PIK3C2G: variants seen among roughly 807,000 people sequenced by gnomAD.
PIK3C2G encodes phosphatidylinositol 3-kinase C2 domain-containing subunit gamma.
PIK3C2G carries 168 observed loss-of-function variants against 181.1 expected under a neutral mutation model. That is an observed-to-expected ratio of 0.93 (90% confidence interval 0.82 to 1.05). The LOEUF (loss-of-function observed/expected upper bound fraction) is 1.05, where lower values mean the gene tolerates loss of function less well. Ranked by LOEUF, PIK3C2G falls within the 50% of genes least tolerant of loss-of-function variation. PIK3C2G has a pLI of 0.00. For synonymous variants in PIK3C2G, 573 were observed against 592.2 expected, an observed-to-expected ratio of 0.97 and a Z score of 0.47; for missense variants, 1,869 against 1,732.8, an observed-to-expected ratio of 1.08 and a Z score of -1.40.
At chr12:18,353,251 G>A (rs1411309019) in intron 11 of PIK3C2G, among the ~76,000 whole-genome samples, 1 of 152,076 alleles carries the variant, frequency 6.6e-6, no homozygotes, top group African/African-American at 2.4e-5. Context: ...CTAGCAAAAG[G>A]GAGCCATTGT....
At chr12:18,277,143 G>T (rs1164760428) in intron 1 of PIK3C2G, among the ~76,000 whole-genome samples, 2 of 152,136 alleles carry the variant, frequency 1.3e-5, no homozygotes, top group Admixed American at 1.3e-4. Context: ...AATAATAAAA[G>T]ATAAATCTAT....
intron 26 of PIK3C2G, among the ~76,000 whole-genome samples, chr12:18,562,412 G>A (rs1442235610): frequency 2.0e-5 from 3 of 152,280 alleles, no homozygotes; most frequent in East Asian, 3.9e-4. Flanking sequence ...GATTACAGGC[G>A]TGAGCCACCG....
intron 30 of PIK3C2G, among the ~76,000 whole-genome samples, chr12:18,602,698 ACTCTGTG>A (rs1218183672): frequency 2.6e-5 from 4 of 152,050 alleles, no homozygotes; most frequent in African/African-American, 9.7e-5. Context: ...ACATCACAGG[ACTCTGTG>A]CAGACAGCCC....
intron 29 of PIK3C2G, among the ~76,000 whole-genome samples, chr12:18,573,306 G>A (rs1946064630): frequency 6.6e-6 from 1 of 152,154 alleles, no homozygotes; most frequent in Non-Finnish European, 1.5e-5. Context: ...CTTTGTGAGG[G>A]CCTCTTTCTG....
At chr12:18,485,625 C>T (rs553327729) in intron 18 of PIK3C2G, among the ~76,000 whole-genome samples, 4 of 152,250 alleles carry the variant, frequency 2.6e-5, no homozygotes, top group African/African-American at 9.6e-5. Context: ...AATTGAATCA[C>T]AGCTGGATAT....
chr12:18,569,200 G>A (rs1056271277), intron 29 of PIK3C2G, among the ~76,000 whole-genome samples: 1 of 152,066 alleles, frequency 6.6e-6, no homozygotes, highest in African/African-American at 2.4e-5. Context: ...GGAGCCTTCA[G>A]TTGCCATCTT....
chr12:18,601,162 T>C (rs1351676988), intron 30 of PIK3C2G, among the ~76,000 whole-genome samples: 2 of 151,916 alleles, frequency 1.3e-5, no homozygotes, highest in East Asian at 1.9e-4. Flanking sequence ...ACATAATATA[T>C]AATACATATT....
chr12:18,520,685 G>C (rs973305198), intron 24 of PIK3C2G, among the ~76,000 whole-genome samples: 6 of 152,058 alleles, frequency 3.9e-5, no homozygotes, highest in Non-Finnish European at 8.8e-5. Flanking sequence ...AGCGTAGCTT[G>C]CTATTACCCC....
chr12:18,418,977 A>T (rs994504471), intron 16 of PIK3C2G, among the ~76,000 whole-genome samples: 7 of 152,164 alleles, frequency 4.6e-5, no homozygotes, highest in Non-Finnish European at 1.0e-4. Context: ...ATTACCTTTA[A>T]CATTTTAAGT....
Position 18,383,991 on chromosome 12 carries a change from T to A in PIK3C2G, c.1995+2111T>A, listed in dbSNP as rs956839101. On this transcript the variant is annotated intron_variant, in intron 14 of 32. Transcript: ENST00000538779. ...GTTATTTTTATTATTATTATTATTTTTTTTTTTTTTGTAGAGATGGGAGTC... is the reference window on the plus strand; with the variant it reads ...GTTATTTTTATTATTATTATTATTTATTTTTTTTTTGTAGAGATGGGAGTC... Among the ~76,000 whole-genome samples, 184 of 146,742 alleles carry A rather than the reference T, an allele frequency of 1.3e-3. 2 individuals are homozygous for A. Among genetic ancestry groups the A allele is most frequent in the African/African-American group, 4.5e-3 (170 of 37,932 alleles).
intron 8 of PIK3C2G, among the ~76,000 whole-genome samples, chr12:18,333,720 G>T (rs915948657): frequency 4.6e-5 from 7 of 152,178 alleles, no homozygotes; most frequent in African/African-American, 1.7e-4. Flanking sequence ...AACCTGGAAT[G>T]AACGGCATTC....
chr12:18,372,778 T>C (rs1942160120), intron 13 of PIK3C2G: 1 of 152,238 alleles, frequency 6.6e-6, no homozygotes, highest in African/African-American at 2.4e-5. Context: ...TCAAGGCATT[T>C]TTCCAGATGG....
chr12:18,700,512 C>CAAAAAAAAAAAAAAAAAAAAAAA, the PIK3C2G span, among the ~76,000 whole-genome samples: 3 of 67,896 alleles, frequency 4.4e-5, 1 homozygote, highest in Admixed American at 2.5e-4. Context: ...AGCCAACGTA[C>CAAAAAAAAAAAAAAAAAAAAAAA]AAAAAAAAAA....
intron 29 of PIK3C2G, among the ~76,000 whole-genome samples, chr12:18,593,790 A>G (rs185038171): frequency 6.6e-6 from 1 of 152,060 alleles, no homozygotes; most frequent in Admixed American, 6.6e-5. Context: ...ATCTCTGTAC[A>G]TAGTAAAATT....
At chr12:18,401,069 T>C (rs1340571570) in intron 16 of PIK3C2G, among the ~76,000 whole-genome samples, 1 of 152,062 alleles carries the variant, frequency 6.6e-6, no homozygotes, top group Admixed American at 6.6e-5. Flanking sequence ...TGTGTATATT[T>C]TCACTCACAT....
At chr12:18,486,195 C>A (rs1015615393) in intron 18 of PIK3C2G, among the ~76,000 whole-genome samples, 1 of 152,220 alleles carries the variant, frequency 6.6e-6, no homozygotes, top group East Asian at 1.9e-4. Context: ...GATCTTGAAC[C>A]AGATCTCACC....
At chr12:18,337,794 G>T (rs528662993) in intron 8 of PIK3C2G, among the ~76,000 whole-genome samples, 24 of 152,188 alleles carry the variant, frequency 1.6e-4, no homozygotes, top group African/African-American at 5.5e-4. Context: ...ATGAGATTTG[G>T]AGAGGACAAA....
At chr12:18,472,135 A>T (rs1938520597) in intron 18 of PIK3C2G, among the ~76,000 whole-genome samples, 1 of 152,130 alleles carries the variant, frequency 6.6e-6, no homozygotes, top group African/African-American at 2.4e-5. Flanking sequence ...ACTTTTCTTG[A>T]TTCAAAAATA....
At chr12:18,715,355 A>C in the PIK3C2G span, among the ~76,000 whole-genome samples, 1 of 152,012 alleles carries the variant, frequency 6.6e-6, no homozygotes. Context: ...CCAAATCTTT[A>C]TTAAGAATAA....
Sources: allele counts gnomAD v4.1 joint callset (sites outside exome capture counted in the v4.1 genomes callset), GRCh38; gene constraint gnomAD v4.1.1; transcripts MANE v1.5; gene names NCBI Gene and HGNC (gene_info 2026-07-23, HGNC 2026-07-21).